TTLL1: variants seen among roughly 807,000 people sequenced by gnomAD.
TTLL1 encodes polyglutamylase complex subunit TTLL1.
A neutral mutation model predicts 47.8 loss-of-function variants in TTLL1; 33 were observed. The observed-to-expected ratio is 0.69, with a 90% CI of 0.52 to 0.92. TTLL1 has a LOEUF of 0.92. Ranked by LOEUF, TTLL1 falls within the 40% of genes least tolerant of loss-of-function variation. TTLL1 has a pLI of 0.00. For synonymous variants in TTLL1, 225 were observed against 214.1 expected (o/e 1.05, Z -0.45); for missense variants, 488 against 547.5 (o/e 0.89, Z 1.08).
At chr22:43,070,861 A>G (rs1928072424) in intron 3 of TTLL1, among the ~76,000 whole-genome samples, 1 of 152,128 alleles carries the variant, frequency 6.6e-6, no homozygotes, top group Non-Finnish European at 1.5e-5. Context: ...TAATTATGTG[A>G]TATCCTATTT....
intron 1 of TTLL1, among the ~76,000 whole-genome samples, chr22:43,084,962 CTTTTTTTTTT>C (rs148980685): frequency 9.0e-4 from 101 of 112,734 alleles, no homozygotes; most frequent in East Asian, 1.0e-3. Flanking sequence ...AAGCTGCCAC[CTTTTTTTTTT>C]TTTTTTTTTT....
intron 7 of TTLL1, among the ~76,000 whole-genome samples, 176 bp from the exon 8 acceptor site, chr22:43,059,703 G>A (rs577866464): frequency 5.3e-5 from 8 of 152,144 alleles, no homozygotes; most frequent in East Asian, 3.9e-4. Flanking sequence ...TTTCCGTTTT[G>A]TTTTAAGACA....
intron 7 of TTLL1, among the ~76,000 whole-genome samples, chr22:43,063,559 G>T (rs1332238742): frequency 2.0e-5 from 3 of 151,036 alleles, no homozygotes; most frequent in Non-Finnish European, 4.4e-5. Context: ...TTTGCCTTCT[G>T]GTTCAAGCGA....
At chr22:43,083,613 A>G (rs563911574) in intron 1 of TTLL1, among the ~76,000 whole-genome samples, 1 of 152,222 alleles carries the variant, frequency 6.6e-6, no homozygotes, top group South Asian at 2.1e-4. Flanking sequence ...CTGTAATGCC[A>G]GCTACTCGGG....
chr22:43,046,519 A>C lies in TTLL1; in HGVS notation c.1033T>G (p.Tyr345Asp). Reference sequence around the variant, plus strand: ...TTGAGGGTGTCATTAATCAGGTTGTACTTGAGGATTCGGTCATTGGCAGTG... The same window carrying C: ...TTGAGGGTGTCATTAATCAGGTTGTCCTTGAGGATTCGGTCATTGGCAGTG... ...SSTANDRILK[Y>D]NLINDTLNIA... The change falls in exon 10 of 11, where the codon TAC becomes GAC. Residue 345 changes from tyrosine to aspartate, a missense_variant. Tyr to Asp is a radical substitution (Grantham distance 160, BLOSUM62 -3). Transcript: ENST00000266254. 1 of 1,614,108 alleles carries C rather than the reference A, an allele frequency of 6.2e-7. No individual in the cohort carries two copies. The highest frequency in any genetic ancestry group is 1.1e-5 in the South Asian group (1 of 91,064).
At chr22:43,044,548 T>G (rs1399658448) in intron 10 of TTLL1, among the ~76,000 whole-genome samples, 2 of 152,194 alleles carry the variant, frequency 1.3e-5, no homozygotes, top group Admixed American at 6.6e-5. Context: ...AAAATTTACA[T>G]GAAATGCACA....
chr22:43,051,758 G>T (rs771308545), intron 9 of TTLL1, 43 bp downstream of exon 9: 1 of 1,585,336 alleles, frequency 6.3e-7, no homozygotes, highest in Non-Finnish European at 8.7e-7. Context: ...GTGTGTTGGG[G>T]GCTATGTGTG....
chr22:43,073,833 A>T (rs5759136), intron 3 of TTLL1, among the ~76,000 whole-genome samples: 96,086 of 148,810 alleles, frequency 0.65, 31,815 homozygotes, highest in East Asian at 0.79. Context: ...TTATTTATTT[A>T]TTTTTTTTGA....
intron 3 of TTLL1, among the ~76,000 whole-genome samples, chr22:43,073,325 CTATTTATTTATTTATTTATTTATT>C (rs72103212): frequency 7.0e-6 from 1 of 142,626 alleles, no homozygotes; most frequent in African/African-American, 2.6e-5. Context: ...TGCGCCCGGT[CTATTTATTTATTTATTTATTTATT>C]TATTTATTTA....
chr22:43,054,723 C>CTTTTT (rs60472260), intron 8 of TTLL1, among the ~76,000 whole-genome samples: 8 of 95,770 alleles, frequency 8.4e-5, no homozygotes, highest in Non-Finnish European at 1.4e-4. Context: ...TGCACCTGGC[C>CTTTTT]TTTTTTTTTT....
intron 1 of TTLL1, among the ~76,000 whole-genome samples, chr22:43,082,441 C>T (rs934618943): frequency 2.6e-5 from 4 of 152,064 alleles, no homozygotes; most frequent in African/African-American, 7.2e-5. Flanking sequence ...GGGCGTGGGG[C>T]GTAGTGGCTC....
intron 3 of TTLL1, among the ~76,000 whole-genome samples, chr22:43,072,859 C>T (rs1243635944): frequency 6.6e-6 from 1 of 151,864 alleles, no homozygotes; most frequent in Non-Finnish European, 1.5e-5. Context: ...GCTGGGATTA[C>T]AGGCATGAGC....
chr22:43,078,875 C>T (rs1027791621), intron 2 of TTLL1, among the ~76,000 whole-genome samples: 7 of 146,844 alleles, frequency 4.8e-5, no homozygotes, highest in Non-Finnish European at 6.1e-5. Flanking sequence ...ACGGGGACCA[C>T]GGGAGCCGCA....
Position 43,069,724 on chromosome 22 carries a change from C to T in TTLL1, c.234G>A (p.Val78=). 6.2e-7 allele frequency: 1 copy of T among 1,614,234 alleles called. No individual in the cohort carries two copies. The highest frequency in any genetic ancestry group is 8.5e-7 in the Non-Finnish European group (1 of 1,180,056). ...HYELTRKDLM[V]KNIKRYRKEL... ...CCTTCCTGTATCTTTTGATGTTCTTCACCATCAGGTCCTTCCGGGTCAGTT... is the reference window on the plus strand; with the variant it reads ...CCTTCCTGTATCTTTTGATGTTCTTTACCATCAGGTCCTTCCGGGTCAGTT... Residue 78 remains valine (V), a synonymous_variant, in exon 4 of 11, where the codon GTG becomes GTA. Transcript: ENST00000266254.
At chr22:43,063,751 C>T in intron 7 of TTLL1, 62 bp downstream of exon 7, 1 of 1,530,288 alleles carries the variant, frequency 6.5e-7, no homozygotes, top group East Asian at 2.3e-5. Context: ...CAGGCGTGAG[C>T]CACCACACCC....
At chr22:43,083,149 G>A (rs569128854) in intron 1 of TTLL1, among the ~76,000 whole-genome samples, 217 of 152,002 alleles carry the variant, frequency 1.4e-3, no homozygotes, top group African/African-American at 5.0e-3. Context: ...GGCAGATCAC[G>A]AGGTCAGGAG....
rs13056143 is a variant in TTLL1 at position 43,079,075 on chromosome 22, A to G, written c.-5+827T>C. Among the ~76,000 whole-genome samples, 172 of 74,722 alleles carry G rather than the reference A, an allele frequency of 2.3e-3. 1 individual carries two copies. Among genetic ancestry groups the G allele is most frequent in the South Asian group, 3.1e-3 (5 of 1,610 alleles). The allele number at this position is 74,722 out of a possible 152,430, so 49.0% of individuals were successfully genotyped here. A position where few individuals can be genotyped will look rare whatever the true frequency, so the allele number is the denominator to read the frequency against. ...CGCAGACAAGGGGACCACGGGAGCC[A>G]CACCCCAGAGCGTGAGTCCATCCCA... is the stretch of plus-strand genomic sequence containing the variant. On this transcript the variant is annotated intron_variant, in intron 2 of 10. Coordinates refer to ENST00000266254, the MANE Select transcript of TTLL1 (RefSeq NM_012263.5).
chr22:43,045,264 G>A (rs985958066), intron 10 of TTLL1, among the ~76,000 whole-genome samples: 3 of 152,180 alleles, frequency 2.0e-5, no homozygotes, highest in East Asian at 3.9e-4. Flanking sequence ...TCCCACTTTC[G>A]TCACTACGAG....
chr22:43,039,544 T>C lies in TTLL1; in HGVS notation c.*232A>G, dbSNP rs1482445067. The C allele has an allele frequency of 1.2e-5, 4 of 321,716 alleles. No individual in the cohort carries two copies. Among genetic ancestry groups the C allele is most frequent in the African/African-American group, 2.3e-5 (1 of 43,466 alleles). 19.9% of individuals were successfully genotyped at this position (321,716 alleles called of 1,614,324 possible). On this transcript the variant is annotated 3_prime_UTR_variant, in exon 11 of 11. Transcript: ENST00000266254. ...CTGTCAAAAAAGTGAGTTTTTAATA[T>C]GAAAATTCTGCTTAGGTTAAAAATT...
Sources: gnomAD v4.1 joint callset for allele counts (sites outside exome capture counted in the v4.1 genomes callset) on GRCh38, gnomAD v4.1.1 for gene constraint, MANE v1.5 for transcripts, NCBI Gene and HGNC (gene_info 2026-07-23, HGNC 2026-07-21) for gene names.